The following APP variants were observed in gnomAD, a reference collection of about 807,000 sequenced individuals.
The protein encoded by APP is amyloid-beta precursor protein.
APP carries 31 observed loss-of-function variants against 101.4 expected under a neutral mutation model. The ratio of observed to expected loss-of-function variants is 0.31; its 90% confidence interval spans 0.23 to 0.41. APP has a LOEUF of 0.41. Among genes scored for constraint, APP ranks in the 10% least tolerant of loss-of-function variants. The pLI is 1.00. For missense variants in APP, 839 were observed against 1,003.7 expected (o/e 0.84, Z 2.22); for synonymous variants, 366 against 364.4 (o/e 1.00, Z -0.05).
intron 2 of APP, among the ~76,000 whole-genome samples, chr21:26,103,623 A>G (rs2062114089): frequency 6.6e-6 from 1 of 152,112 alleles, no homozygotes; most frequent in African/African-American, 2.4e-5. Context: ...GAAAAAAAAG[A>G]ATTCTATCAA....
chr21:25,982,158 T>A (rs904481484), intron 9 of APP, among the ~76,000 whole-genome samples, 186 bp downstream of exon 9: 5 of 152,222 alleles, frequency 3.3e-5, no homozygotes, highest in Non-Finnish European at 4.4e-5. Flanking sequence ...GGATCCTTCC[T>A]AGGCAGCATG....
At chr21:26,062,278 G>A (rs1046105550) in intron 3 of APP, among the ~76,000 whole-genome samples, 30 of 149,418 alleles carry the variant, frequency 2.0e-4, no homozygotes, top group Admixed American at 8.7e-4. Flanking sequence ...TTTAACCCAG[G>A]CTCTGAATAA....
At chr21:25,933,076 G>C (rs1476748761) in intron 13 of APP, among the ~76,000 whole-genome samples, 2 of 151,962 alleles carry the variant, frequency 1.3e-5, no homozygotes, top group Non-Finnish European at 2.9e-5. Flanking sequence ...CAGTATAATG[G>C]GATATCCATC....
At chr21:25,925,879 T>G (rs886521603) in intron 13 of APP, among the ~76,000 whole-genome samples, 22 of 152,190 alleles carry the variant, frequency 1.4e-4, no homozygotes, top group Non-Finnish European at 2.9e-4. Flanking sequence ...GAGGCTGCAG[T>G]GAGCCGAGAT....
intron 3 of APP, among the ~76,000 whole-genome samples, chr21:26,071,334 G>C (rs1041420): frequency 1.3e-5 from 2 of 151,792 alleles, no homozygotes; most frequent in South Asian, 4.1e-4. Context: ...CCAAAGTCAC[G>C]TGAAAGCTCC....
chr21:25,954,356 T>C (rs2041219265), intron 13 of APP, among the ~76,000 whole-genome samples: 1 of 152,232 alleles, frequency 6.6e-6, no homozygotes, highest in African/African-American at 2.4e-5. Flanking sequence ...TGTCCAATTA[T>C]TACAAAACTA....
chr21:25,931,603 T>C (rs916663424), intron 13 of APP, among the ~76,000 whole-genome samples: 1 of 152,080 alleles, frequency 6.6e-6, no homozygotes, highest in Non-Finnish European at 1.5e-5. Flanking sequence ...GCATAGCCGA[T>C]AAGGATGCAC....
intron 9 of APP, among the ~76,000 whole-genome samples, chr21:25,976,251 G>T (rs765510998): frequency 6.6e-6 from 1 of 151,886 alleles, no homozygotes; most frequent in Non-Finnish European, 1.5e-5. Context: ...TTTATTGCAG[G>T]AATATAGCTT....
At chr21:26,087,447 C>A (rs1285049731) in intron 3 of APP, among the ~76,000 whole-genome samples, 1 of 152,206 alleles carries the variant, frequency 6.6e-6, no homozygotes. Flanking sequence ...TCACATCAGA[C>A]ACAACCAGAA....
intron 8 of APP, among the ~76,000 whole-genome samples, chr21:25,989,984 A>C (rs2042796169): frequency 6.6e-6 from 1 of 152,118 alleles, no homozygotes; most frequent in Non-Finnish European, 1.5e-5. Flanking sequence ...CTCCTAACGC[A>C]TTCTACATTC....
intron 2 of APP, 80 bp from the exon 3 acceptor site, chr21:26,090,152 T>G: frequency 6.3e-7 from 1 of 1,588,034 alleles, no homozygotes; most frequent in Non-Finnish European, 8.6e-7. Flanking sequence ...GCCTCCACTG[T>G]AAGGTACAGG....
At chr21:25,988,064 G>T (rs2042704936) in intron 8 of APP, among the ~76,000 whole-genome samples, 1 of 152,178 alleles carries the variant, frequency 6.6e-6, no homozygotes, top group African/African-American at 2.4e-5. Flanking sequence ...CGCAGTAAGT[G>T]AGCGACCAGG....
intron 5 of APP, among the ~76,000 whole-genome samples, chr21:26,026,880 CTGAT>C (rs2044601607): frequency 1.3e-5 from 2 of 152,196 alleles, no homozygotes; most frequent in Admixed American, 6.5e-5. Context: ...TGTAGGTTCA[CTGAT>C]TGTAACAAAT....
intron 13 of APP, among the ~76,000 whole-genome samples, chr21:25,949,587 G>A (rs950120009): frequency 2.6e-5 from 4 of 152,114 alleles, no homozygotes; most frequent in African/African-American, 4.8e-5. Context: ...TTTTATCCTG[G>A]GGACTGGCTT....
chr21:26,101,080 A>C (rs975188942), intron 2 of APP, among the ~76,000 whole-genome samples: 1 of 133,278 alleles, frequency 7.5e-6, no homozygotes, highest in Non-Finnish European at 1.6e-5. Context: ...GTTTCAAGTT[A>C]TCTCTTTTTT....
At chr21:25,897,501 AG>A (rs2038149663) in intron 16 of APP, 71 bp downstream of exon 16, 1 of 1,115,004 alleles carries the variant, frequency 9.0e-7, no homozygotes, top group Non-Finnish European at 1.4e-6. Context: ...TTTCTAGCAC[AG>A]GATGAACCAG....
intron 13 of APP, among the ~76,000 whole-genome samples, chr21:25,949,179 A>G (rs1024472164): frequency 6.6e-6 from 1 of 152,212 alleles, no homozygotes; most frequent in Admixed American, 6.5e-5. Context: ...ATGAAATTAT[A>G]AAATAAAACA....
chr21:25,917,357 C>A (rs2039404662), intron 13 of APP, among the ~76,000 whole-genome samples: 1 of 150,878 alleles, frequency 6.6e-6, no homozygotes, highest in Non-Finnish European at 1.5e-5. Context: ...TCATTGTAAA[C>A]ACTTTAAAGA....
chr21:26,122,897 T>C (rs1251635687), intron 1 of APP, among the ~76,000 whole-genome samples: 3 of 152,120 alleles, frequency 2.0e-5, no homozygotes, highest in Non-Finnish European at 4.4e-5. Flanking sequence ...AATTCGGATA[T>C]TTGACATTTA....
Sources: gnomAD v4.1 joint callset for allele counts (sites outside exome capture counted in the v4.1 genomes callset) on GRCh38, gnomAD v4.1.1 for gene constraint, MANE v1.5 for transcripts, NCBI Gene and HGNC (gene_info 2026-07-23, HGNC 2026-07-21) for gene names.